The following BRINP3 variants were observed in gnomAD, a reference collection of about 807,000 sequenced individuals.
BRINP3 encodes BMP/retinoic acid inducible neural specific 3.
A neutral mutation model predicts 71.0 loss-of-function variants in BRINP3; 19 were observed. The ratio of observed to expected loss-of-function variants is 0.27; its 90% CI spans 0.19 to 0.39. The LOEUF is 0.39. Among genes scored for constraint, BRINP3 ranks in the 10% least tolerant of loss-of-function variants. The pLI is 1.00. For missense variants in BRINP3, 959 were observed against 940.8 expected (o/e 1.02, Z -0.25); for synonymous variants, 380 against 337.7 (o/e 1.13, Z -1.37).
chr1:190,203,788 T>C lies in BRINP3; in HGVS notation c.961+22294A>G, dbSNP rs1281308994. Among the ~76,000 whole-genome samples the C allele has an allele frequency of 2.0e-5, 2 of 101,812 alleles. 1 individual carries two copies. Among genetic ancestry groups the C allele is most frequent in the Admixed American group, 2.0e-4 (2 of 10,010 alleles). The allele number at this position is 101,812 out of a possible 152,430, so 66.8% of individuals were successfully genotyped here. On this transcript the variant is annotated intron_variant, in intron 6 of 7. Coordinates refer to ENST00000367462, the MANE Select transcript of BRINP3 (RefSeq NM_199051.3). ...ATATATATATATATATATATATATA[T>C]ATATATATATATATATATATATATA...
At chr1:190,103,897 G>A (rs1419041679) in intron 7 of BRINP3, among the ~76,000 whole-genome samples, 1 of 151,094 alleles carries the variant, frequency 6.6e-6, no homozygotes, top group Non-Finnish European at 1.5e-5. Flanking sequence ...CTCTCATTCT[G>A]GGGCCAGTCA....
chr1:190,277,379 G>T (rs547401029), intron 3 of BRINP3, among the ~76,000 whole-genome samples: 3 of 151,074 alleles, frequency 2.0e-5, no homozygotes, highest in South Asian at 4.2e-4. Context: ...GAGTACTAGC[G>T]GAGGAACTCA....
intron 2 of BRINP3, among the ~76,000 whole-genome samples, chr1:190,368,340 T>A (rs1241442098): frequency 6.6e-6 from 1 of 151,958 alleles, no homozygotes. Flanking sequence ...ATCATGAGGG[T>A]CACCACCCAC....
Position 190,435,950 on chromosome 1 carries a change from C to A in BRINP3, c.236+18705G>T, listed in dbSNP as rs543137635. Among the ~76,000 whole-genome samples, 2 of 151,956 alleles carry A rather than the reference C, an allele frequency of 1.3e-5. 1 individual carries two copies. Among genetic ancestry groups the A allele is most frequent in the South Asian group, 4.2e-4 (2 of 4,814 alleles). On this transcript the variant is annotated intron_variant, in intron 2 of 7. Coordinates refer to ENST00000367462, the MANE Select transcript of BRINP3 (RefSeq NM_199051.3). Reference sequence around the variant, plus strand: ...TGAATTTTAGATAACTGATAAAATGCAAATGATTTTGTCCATAGACAAAAT... The same window carrying A: ...TGAATTTTAGATAACTGATAAAATGAAAATGATTTTGTCCATAGACAAAAT...
intron 6 of BRINP3, among the ~76,000 whole-genome samples, chr1:190,198,394 C>A (rs759586534): frequency 2.0e-5 from 3 of 152,180 alleles, no homozygotes; most frequent in Non-Finnish European, 4.4e-5. Context: ...TTTTCTACTG[C>A]ATCATCAGGC....
At chr1:190,314,227 G>GTTCCT (rs1665729426) in intron 2 of BRINP3, among the ~76,000 whole-genome samples, 1 of 151,990 alleles carries the variant, frequency 6.6e-6, no homozygotes, top group African/African-American at 2.4e-5. Context: ...AACAGCTTTG[G>GTTCCT]AAACATATTG....
chr1:190,171,645 T>C (rs749623738), intron 6 of BRINP3, among the ~76,000 whole-genome samples: 1 of 152,166 alleles, frequency 6.6e-6, no homozygotes, highest in Non-Finnish European at 1.5e-5. Context: ...TAATAATTAT[T>C]AAAATAACAC....
At chr1:190,372,600 A>G (rs1230834369) in intron 2 of BRINP3, among the ~76,000 whole-genome samples, 1 of 152,162 alleles carries the variant, frequency 6.6e-6, no homozygotes, top group African/African-American at 2.4e-5. Flanking sequence ...CCCTTCAGCA[A>G]TTGTTATTTA....
At chr1:190,262,423 G>C (rs1171604301) in intron 4 of BRINP3, among the ~76,000 whole-genome samples, 2 of 152,040 alleles carry the variant, frequency 1.3e-5, no homozygotes, top group Non-Finnish European at 2.9e-5. Flanking sequence ...CTGTATTCTT[G>C]GCTATGTTGT....
chr1:190,460,875 C>T (rs1676348008), intron 1 of BRINP3, among the ~76,000 whole-genome samples: 2 of 151,946 alleles, frequency 1.3e-5, no homozygotes, highest in Admixed American at 1.3e-4. Context: ...CATTCTTCCC[C>T]CTAAATATAA....
At chr1:190,143,176 G>A (rs137961663) in intron 7 of BRINP3, among the ~76,000 whole-genome samples, 378 of 152,248 alleles carry the variant, frequency 2.5e-3, no homozygotes, top group African/African-American at 7.0e-3. Context: ...ATACTTGTCC[G>A]ATTATCTTTC....
chr1:190,201,139 C>A (rs139220524), intron 6 of BRINP3, among the ~76,000 whole-genome samples: 1 of 152,148 alleles, frequency 6.6e-6, no homozygotes, highest in East Asian at 1.9e-4. Flanking sequence ...ATGGCTTTGA[C>A]AAAAATGCTG....
intron 6 of BRINP3, among the ~76,000 whole-genome samples, chr1:190,174,888 C>A (rs1652366588): frequency 6.6e-6 from 1 of 151,930 alleles, no homozygotes; most frequent in Admixed American, 6.6e-5. Flanking sequence ...TGATTTTTCC[C>A]CTGAAATATG....
At chr1:190,189,494 GT>G (rs1653841830) in intron 6 of BRINP3, among the ~76,000 whole-genome samples, 1 of 151,732 alleles carries the variant, frequency 6.6e-6, no homozygotes, top group Non-Finnish European at 1.5e-5. Flanking sequence ...TTCAAATAAA[GT>G]GTGATTAAAT....
intron 7 of BRINP3, among the ~76,000 whole-genome samples, chr1:190,148,895 A>G (rs1656146190): frequency 6.6e-6 from 1 of 152,152 alleles, no homozygotes; most frequent in Non-Finnish European, 1.5e-5. Context: ...CACCTTCTTT[A>G]ACAAACATGA....
chr1:190,352,743 C>T lies in BRINP3; in HGVS notation c.237-70993G>A, dbSNP rs74397599. Among the ~76,000 whole-genome samples, 834 of 151,852 alleles carry T rather than the reference C, an allele frequency of 5.5e-3. 3 individuals are homozygous for T. Among genetic ancestry groups the T allele is most frequent in the African/African-American group, 0.019 (806 of 41,472 alleles). Reference sequence around the variant, plus strand: ...ATTCTGAAATCTTTCCATGACATCCCGCTATACCTCACAACAAAACCTACC... The same window carrying T: ...ATTCTGAAATCTTTCCATGACATCCTGCTATACCTCACAACAAAACCTACC... On this transcript the variant is annotated intron_variant, in intron 2 of 7. Coordinates refer to ENST00000367462, the MANE Select transcript of BRINP3 (RefSeq NM_199051.3).
At chr1:190,321,176 A>G (rs1666215058) in intron 2 of BRINP3, among the ~76,000 whole-genome samples, 1 of 152,120 alleles carries the variant, frequency 6.6e-6, no homozygotes, top group Non-Finnish European at 1.5e-5. Context: ...TGAAGAATAG[A>G]GTTGAGTCAG....
chr1:190,128,792 T>G (rs1654295315), intron 7 of BRINP3, among the ~76,000 whole-genome samples: 1 of 151,782 alleles, frequency 6.6e-6, no homozygotes. Context: ...GTCTGACATA[T>G]GTGATGAAAA....
At chr1:190,188,785 A>G (rs1444466366) in intron 6 of BRINP3, among the ~76,000 whole-genome samples, 3 of 149,360 alleles carry the variant, frequency 2.0e-5, no homozygotes, top group Admixed American at 1.3e-4. Flanking sequence ...CACATGGTGG[A>G]GTCTTGCTCT....
Sources: allele counts gnomAD v4.1 joint callset (sites outside exome capture counted in the v4.1 genomes callset), GRCh38; gene constraint gnomAD v4.1.1; transcripts MANE v1.5; gene names NCBI Gene and HGNC (gene_info 2026-07-23, HGNC 2026-07-21).